MACROD2: variants seen among roughly 807,000 people sequenced by gnomAD.
MACROD2 encodes ADP-ribose glycohydrolase MACROD2.
A neutral mutation model predicts 70.4 loss-of-function variants in MACROD2; 36 were observed. The observed-to-expected ratio is 0.51, with a 90% CI of 0.39 to 0.68. The LOEUF (loss-of-function observed/expected upper bound fraction) is 0.68, where lower values mean the gene tolerates loss of function less well. MACROD2 is among the 30% of genes least tolerant of loss of function. The probability of loss-of-function intolerance (pLI) is 0.00; values close to 1 mark genes in which losing one functional copy is unlikely to be tolerated. For missense variants in MACROD2, 496 were observed against 538.4 expected (o/e 0.92, Z 0.78); for synonymous variants, 172 against 178.8 (o/e 0.96, Z 0.30).
At chr20:16,005,648 T>C (rs1156799510) in intron 15 of MACROD2, among the ~76,000 whole-genome samples, 1 of 152,242 alleles carries the variant, frequency 6.6e-6, no homozygotes, top group Non-Finnish European at 1.5e-5. Flanking sequence ...TAATCAAAAA[T>C]GCTTTTCTAA....
chr20:14,392,862 T>C (rs990778660), intron 3 of MACROD2, among the ~76,000 whole-genome samples: 3 of 152,030 alleles, frequency 2.0e-5, no homozygotes, highest in African/African-American at 7.2e-5. Context: ...TGTGTATGAA[T>C]TTGTGTCTGC....
chr20:14,863,470 G>A (rs2073394474), intron 5 of MACROD2, among the ~76,000 whole-genome samples: 1 of 152,068 alleles, frequency 6.6e-6, no homozygotes, highest in Admixed American at 6.6e-5. Flanking sequence ...TAATTGAATA[G>A]TTTAACTTAA....
rs72054561 is a variant in MACROD2 at position 14,348,277 on chromosome 20, A to AT, written c.272-145202_272-145201insT. Among the ~76,000 whole-genome samples the AT allele has an allele frequency of 2.7e-3, 379 of 138,664 alleles. 1 individual carries two copies. The highest frequency in any genetic ancestry group is 1.0e-2 in the African/African-American group (355 of 35,592). The allele number at this position is 138,664 out of a possible 152,430, so 91.0% of individuals were successfully genotyped here. A position where few individuals can be genotyped will look rare whatever the true frequency, so the allele number is the denominator to read the frequency against. On this transcript the variant is annotated intron_variant, in intron 3 of 17. Transcript: ENST00000684519. ...GAGCAAGACTCCGTCTCAAAAAAAA[A>AT]AAAATAAATAAAATAAAGAAAGAAA... is the stretch of plus-strand genomic sequence containing the variant.
rs552783467 is a variant in MACROD2 at position 14,288,907 on chromosome 20, T to G, written c.271+203179T>G. ...CATATTTTCCATGCCAGCCGCCAAT[T>G]CTGTCCTAAGGAGAAACAGACTTTA... On this transcript the variant is annotated intron_variant, in intron 3 of 17. Transcript: ENST00000684519. 2.0e-3 allele frequency among the ~76,000 whole-genome samples: 298 copies of G among 152,286 alleles called. 1 individual carries two copies. Among genetic ancestry groups the G allele is most frequent in the Non-Finnish European group, 2.2e-3 (152 of 68,030 alleles).
intron 7 of MACROD2, among the ~76,000 whole-genome samples, chr20:15,481,564 G>A (rs1031064714): frequency 8.6e-5 from 13 of 151,902 alleles, no homozygotes; most frequent in African/African-American, 3.1e-4. Flanking sequence ...CTGCTTAAAC[G>A]CAGTGTTAAC....
chr20:15,789,042 A>C (rs898166438), intron 8 of MACROD2, among the ~76,000 whole-genome samples: 7 of 152,362 alleles, frequency 4.6e-5, no homozygotes, highest in African/African-American at 1.4e-4. Context: ...CCTTGAAATG[A>C]GCAACTTTGC....
At chr20:15,745,246 A>G (rs1421908759) in intron 8 of MACROD2, among the ~76,000 whole-genome samples, 1 of 152,220 alleles carries the variant, frequency 6.6e-6, no homozygotes, top group Non-Finnish European at 1.5e-5. Flanking sequence ...TATATCGGAC[A>G]CATACACAGA....
At chr20:15,852,720 G>A (rs920351932) in intron 8 of MACROD2, among the ~76,000 whole-genome samples, 1 of 152,118 alleles carries the variant, frequency 6.6e-6, no homozygotes, top group African/African-American at 2.4e-5. Flanking sequence ...TATCTCATTG[G>A]CTGATATGAC....
chr20:14,555,836 G>T (rs897645034), intron 4 of MACROD2, among the ~76,000 whole-genome samples: 3 of 151,990 alleles, frequency 2.0e-5, no homozygotes, highest in African/African-American at 7.2e-5. Context: ...GGTTATCTGG[G>T]ATGAGTATGT....
intron 5 of MACROD2, among the ~76,000 whole-genome samples, chr20:14,838,422 C>G (rs543501790): frequency 4.6e-5 from 7 of 152,076 alleles, no homozygotes; most frequent in Admixed American, 2.6e-4. Flanking sequence ...ATTAAGGGTG[C>G]CTTGTGGAAT....
intron 3 of MACROD2, among the ~76,000 whole-genome samples, chr20:14,374,912 T>C (rs1341215109): frequency 6.6e-6 from 1 of 152,216 alleles, no homozygotes; most frequent in Non-Finnish European, 1.5e-5. Context: ...GTATGCGCTT[T>C]AAACAGAATT....
intron 7 of MACROD2, among the ~76,000 whole-genome samples, chr20:15,485,097 G>T (rs1338139547): frequency 3.3e-5 from 5 of 151,582 alleles, no homozygotes; most frequent in African/African-American, 1.2e-4. Context: ...CCTATATATT[G>T]TTATTCTCAC....
intron 3 of MACROD2, among the ~76,000 whole-genome samples, chr20:14,196,941 C>G (rs1035984204): frequency 6.6e-6 from 1 of 152,194 alleles, no homozygotes; most frequent in Non-Finnish European, 1.5e-5. Flanking sequence ...ATCAGATGCT[C>G]TCATTGTAAT....
At chr20:14,386,806 C>T (rs185996515) in intron 3 of MACROD2, among the ~76,000 whole-genome samples, 34 of 152,260 alleles carry the variant, frequency 2.2e-4, no homozygotes, top group African/African-American at 7.9e-4. Context: ...TTCTTTGTAG[C>T]AGTGCAAGAA....
intron 8 of MACROD2, among the ~76,000 whole-genome samples, chr20:15,673,638 T>A (rs1280114539): frequency 6.6e-6 from 1 of 152,232 alleles, no homozygotes; most frequent in Non-Finnish European, 1.5e-5. Context: ...GGAAATAGGA[T>A]ATATTTTTCA....
In MACROD2 at chr20:14,326,022, A is replaced by C; in HGVS notation, c.272-167457A>C. The C allele has an allele frequency of 6.2e-7, 1 of 1,613,898 alleles. No homozygotes were observed. Among genetic ancestry groups the C allele is most frequent in the East Asian group, 2.2e-5 (1 of 44,862 alleles). On this transcript the variant is annotated intron_variant, in intron 3 of 17. Transcript: ENST00000684519. This position sits in a 1 kb window ranked among gnomAD's most constrained non-coding sequence, Gnocchi z 5.5. Reference sequence around the variant, plus strand: ...GGGGTGCAGTTTCAGTCTCAATACAAACAGGAGTTTCATCAAATAGGTAGA... The same window carrying C: ...GGGGTGCAGTTTCAGTCTCAATACACACAGGAGTTTCATCAAATAGGTAGA...
intron 6 of MACROD2, among the ~76,000 whole-genome samples, chr20:15,294,786 A>T (rs1283623564): frequency 1.3e-5 from 2 of 152,232 alleles, no homozygotes; most frequent in African/African-American, 4.8e-5. Flanking sequence ...TTTTAGTGAC[A>T]GAAAACCAGA....
intron 7 of MACROD2, among the ~76,000 whole-genome samples, chr20:15,479,021 C>T (rs1373082792): frequency 1.3e-5 from 2 of 152,192 alleles, no homozygotes; most frequent in Non-Finnish European, 2.9e-5. Context: ...ATGCATCTGG[C>T]AGAAAATTGA....
Position 14,070,178 on chromosome 20 carries a change from C to G in MACROD2, c.164-15443C>G, listed in dbSNP as rs767815320. ...TAGGAGGAAGCTTTGAAGATGTAGC[C>G]CAAAAATGACGTTGTAAACCTCCAG... On this transcript the variant is annotated intron_variant, in intron 2 of 17. Coordinates refer to ENST00000684519, the MANE Select transcript of MACROD2 (RefSeq NM_001351661.2). Among the ~76,000 whole-genome samples, 201 of 152,126 alleles carry G rather than the reference C, an allele frequency of 1.3e-3. 2 individuals are homozygous for G. Among genetic ancestry groups the G allele is most frequent in the Non-Finnish European group, 8.8e-5 (6 of 68,006 alleles).
Sources: allele counts gnomAD v4.1 joint callset (sites outside exome capture counted in the v4.1 genomes callset), GRCh38; gene constraint gnomAD v4.1.1; non-coding constraint Gnocchi (gnomAD v3.1); transcripts MANE v1.5; gene names NCBI Gene and HGNC (gene_info 2026-07-23, HGNC 2026-07-21).